The following FANK1 variants were observed in gnomAD, a reference collection of about 807,000 sequenced individuals.
FANK1 encodes the protein fibronectin type 3 and ankyrin repeat domains protein 1.
FANK1 carries 44 observed loss-of-function variants against 45.3 expected under a neutral mutation model. The ratio of observed to expected loss-of-function variants is 0.97; its 90% confidence interval spans 0.76 to 1.25. FANK1 has a LOEUF of 1.25. FANK1 is among the 50% of genes most tolerant of loss of function. The pLI, the probability that FANK1 is intolerant of heterozygous loss-of-function variation, is 0.00. For synonymous variants in FANK1, 149 were observed against 152.5 expected, an observed-to-expected ratio of 0.98 and a Z score of 0.17; for missense variants, 391 against 424.4, an observed-to-expected ratio of 0.92 and a Z score of 0.69.
intron 1 of FANK1, among the ~76,000 whole-genome samples, chr10:125,959,574 G>A (rs2134176946): frequency 6.6e-6 from 1 of 152,252 alleles, no homozygotes; most frequent in Non-Finnish European, 1.5e-5. Flanking sequence ...TTCTGGATGA[G>A]TTTGCTAAGA....
chr10:125,960,946 A>G (rs913497408), intron 1 of FANK1, among the ~76,000 whole-genome samples: 2 of 152,230 alleles, frequency 1.3e-5, no homozygotes, highest in Admixed American at 1.3e-4. Context: ...AATCCTGAGC[A>G]AAAAGAAAGC....
chr10:125,935,745 A>G (rs1320510362), intron 1 of FANK1, among the ~76,000 whole-genome samples: 1 of 152,130 alleles, frequency 6.6e-6, no homozygotes, highest in African/African-American at 2.4e-5. Context: ...TCTCCTATAT[A>G]TTTTGGCTAC....
At chr10:125,953,968 C>T (rs911536126) in intron 1 of FANK1, among the ~76,000 whole-genome samples, 3 of 152,208 alleles carry the variant, frequency 2.0e-5, no homozygotes, top group Non-Finnish European at 4.4e-5. Context: ...AAATTTACTT[C>T]TGCAGAAGGG....
At chr10:125,957,535 A>AT (rs1022709011) in intron 1 of FANK1, among the ~76,000 whole-genome samples, 5 of 151,160 alleles carry the variant, frequency 3.3e-5, no homozygotes, top group Non-Finnish European at 7.4e-5. Context: ...CTTTATTTTT[A>AT]TTTTTTTGAG....
chr10:125,973,412 T>C, intron 1 of FANK1: 1 of 985,216 alleles, frequency 1.0e-6, no homozygotes, highest in South Asian at 4.7e-5. Flanking sequence ...ACTGATGTCG[T>C]GATACAAGGA....
chr10:125,907,900 G>T (rs1191325885), intron 1 of FANK1, among the ~76,000 whole-genome samples: 1 of 152,026 alleles, frequency 6.6e-6, no homozygotes, highest in Non-Finnish European at 1.5e-5. Context: ...CACCTTGCCT[G>T]CAACCTTGTG....
At chr10:125,952,377 A>G (rs777178298) in intron 1 of FANK1, among the ~76,000 whole-genome samples, 13 of 152,282 alleles carry the variant, frequency 8.5e-5, no homozygotes, top group South Asian at 2.1e-4. Context: ...TTAGATGCCA[A>G]TCCTGCCGGT....
chr10:125,934,735 T>TG, intron 1 of FANK1, among the ~76,000 whole-genome samples: 7 of 122,704 alleles, frequency 5.7e-5, no homozygotes, highest in Non-Finnish European at 9.9e-5. Context: ...TTTTTTTTTT[T>TG]TTTTTTTTTT....
intron 1 of FANK1, among the ~76,000 whole-genome samples, chr10:125,963,563 A>G (rs981917873): frequency 6.6e-6 from 1 of 152,256 alleles, no homozygotes; most frequent in Non-Finnish European, 1.5e-5. Context: ...CTATGCAGCC[A>G]TAAGAAAGGA....
intron 1 of FANK1, among the ~76,000 whole-genome samples, chr10:125,905,995 A>G (rs1167290120): frequency 2.6e-5 from 4 of 152,306 alleles, no homozygotes. Context: ...TTCAGTGGAA[A>G]AACTCACTTG....
chr10:125,934,814 C>G (rs1947987881), intron 1 of FANK1, among the ~76,000 whole-genome samples: 1 of 128,114 alleles, frequency 7.8e-6, no homozygotes. Context: ...GGATTCTATC[C>G]CAGTCTGGCT....
intron 7 of FANK1, among the ~76,000 whole-genome samples, chr10:126,005,296 C>CTA (rs1953099638): frequency 6.8e-6 from 1 of 146,424 alleles, no homozygotes; most frequent in Non-Finnish European, 1.5e-5. Context: ...CCTGATGCTT[C>CTA]TACTTTCTTT....
At chr10:125,947,129 G>A (rs1589983899) in intron 1 of FANK1, among the ~76,000 whole-genome samples, 1 of 151,224 alleles carries the variant, frequency 6.6e-6, no homozygotes. Context: ...AACATGGAAA[G>A]GAACAACCGG....
At chr10:125,902,079 A>G (rs1589760859) in intron 1 of FANK1, among the ~76,000 whole-genome samples, 1 of 152,072 alleles carries the variant, frequency 6.6e-6, no homozygotes, top group Non-Finnish European at 1.5e-5. Flanking sequence ...AGATAGCACC[A>G]CTGTACTCCA....
intron 1 of FANK1, among the ~76,000 whole-genome samples, chr10:125,952,453 T>C (rs1949300364): frequency 6.6e-6 from 1 of 152,146 alleles, no homozygotes; most frequent in African/African-American, 2.4e-5. Flanking sequence ...GCAGATTTCA[T>C]CTGAATAAAG....
chr10:125,937,794 TACCC>T (rs1280006423), intron 1 of FANK1, among the ~76,000 whole-genome samples: 1 of 152,066 alleles, frequency 6.6e-6, no homozygotes, highest in Non-Finnish European at 1.5e-5. Context: ...TGAAATGAAA[TACCC>T]ACAACAGGAG....
At chr10:125,985,952 G>C (rs1174449166) in intron 2 of FANK1, among the ~76,000 whole-genome samples, 1 of 152,120 alleles carries the variant, frequency 6.6e-6, no homozygotes, top group Non-Finnish European at 1.5e-5. Context: ...TCTCCTCCCT[G>C]CTTCCAAGGG....
At chr10:125,950,337 A>C (rs957293481) in intron 1 of FANK1, among the ~76,000 whole-genome samples, 2 of 148,254 alleles carry the variant, frequency 1.3e-5, no homozygotes, top group South Asian at 4.4e-4. Flanking sequence ...GCAACCTACA[A>C]AATGGGAGAA....
At chr10:125,971,185 T>C (rs976218010) in intron 1 of FANK1, among the ~76,000 whole-genome samples, 13 of 152,176 alleles carry the variant, frequency 8.5e-5, no homozygotes, top group Non-Finnish European at 1.9e-4. Context: ...CCACATTCTA[T>C]AGCCTTTCCC....
Sources: gnomAD v4.1 joint callset for allele counts (sites outside exome capture counted in the v4.1 genomes callset) on GRCh38, gnomAD v4.1.1 for gene constraint, MANE v1.5 for transcripts, NCBI Gene and HGNC (gene_info 2026-07-23, HGNC 2026-07-21) for gene names.